SLC36A1: variants seen among roughly 807,000 people sequenced by gnomAD.
The protein encoded by SLC36A1 is solute carrier family 36 member 1.
In SLC36A1, 30 loss-of-function variants were observed where a neutral mutation model predicts 47.5. That is an observed-to-expected ratio of 0.63 (90% CI 0.47 to 0.86). SLC36A1 has a LOEUF of 0.86. Among genes scored for constraint, SLC36A1 ranks in the 40% least tolerant of loss-of-function variants. The probability of loss-of-function intolerance (pLI) is 0.00; values close to 1 mark genes in which losing one functional copy is unlikely to be tolerated. For synonymous variants in SLC36A1, 255 were observed against 249.7 expected (o/e 1.02, Z -0.20); for missense variants, 517 against 606.0 (o/e 0.85, Z 1.54).
chr5:151,510,323 T>C, the SLC36A1 span: 1 of 862,484 alleles, frequency 1.2e-6, no homozygotes, highest in Non-Finnish European at 1.8e-6. Flanking sequence ...GTGCTGGGCA[T>C]TGGTGCCCTG....
rs1200296163 is a variant in SLC36A1 at position 151,491,767 on chromosome 5, G to A, written c.*3513G>A. 1 of 152,646 alleles carries A rather than the reference G, an allele frequency of 6.6e-6. No individual in the cohort carries two copies. The highest frequency in any genetic ancestry group is 2.4e-5 in the African/African-American group (1 of 41,462). 9.5% of individuals were successfully genotyped at this position (152,646 alleles called of 1,614,324 possible). On this transcript the variant is annotated 3_prime_UTR_variant, in exon 11 of 11. Coordinates refer to ENST00000243389, the MANE Select transcript of SLC36A1 (RefSeq NM_078483.4). ...CTCGAAGAGAAGACACAGAGTCCAA[G>A]TGGCAGGACTTGAGGTTGGCTTCCA...
intron 1 of SLC36A1, 64 bp from the exon 2 acceptor site, chr5:151,458,724 A>AC: frequency 1.9e-6 from 3 of 1,560,316 alleles, no homozygotes; most frequent in Non-Finnish European, 2.6e-6. Flanking sequence ...CCCAGAGGCC[A>AC]CCCCAAATAT....
chr5:151,513,583 G>A, the SLC36A1 span, among the ~76,000 whole-genome samples: 1 of 148,872 alleles, frequency 6.7e-6, no homozygotes, highest in African/African-American at 2.5e-5. Flanking sequence ...ATAGACATCA[G>A]GGCCTACTTG....
At chr5:151,353,228 T>C in the SLC36A1 span, among the ~76,000 whole-genome samples, 1 of 152,194 alleles carries the variant, frequency 6.6e-6, no homozygotes, top group Non-Finnish European at 1.5e-5. Context: ...TCATAGTACT[T>C]AGTTAGAGGC....
chr5:151,399,084 A>ATTTTT, the SLC36A1 span, among the ~76,000 whole-genome samples: 6 of 60,068 alleles, frequency 1.0e-4, no homozygotes, highest in Non-Finnish European at 1.7e-4. Context: ...ATATATATAT[A>ATTTTT]TTTTTTTTTT....
At chr5:151,515,155 C>T in the SLC36A1 span, among the ~76,000 whole-genome samples, 1 of 152,160 alleles carries the variant, frequency 6.6e-6, no homozygotes, top group African/African-American at 2.4e-5. Flanking sequence ...GGCCTCTCAG[C>T]AGCAGATCAC....
chr5:151,476,655 G>T lies in SLC36A1; in HGVS notation c.888G>T (p.Met296Ile), dbSNP rs776266406. Residue 296 changes from methionine to isoleucine, a missense_variant, in exon 9 of 11, where the codon ATG becomes ATT. Coordinates refer to ENST00000243389, the MANE Select transcript of SLC36A1 (RefSeq NM_078483.4). Reference protein sequence around the residue: ...RKFPLILYLGMVIVTILYISL... With the variant: ...RKFPLILYLGIVIVTILYISL... ...TCCCACTCATCCTGTACCTGGGCAT[G>T]GTCATCGTCACCATCCTCTACATCA... 33 of 1,613,042 alleles carry T rather than the reference G, an allele frequency of 2.0e-5. No individual in the cohort carries two copies. In the South Asian group the frequency reaches 3.6e-4, roughly 18 times the overall value.
At chr5:151,506,982 G>A in the SLC36A1 span, among the ~76,000 whole-genome samples, 8 of 152,212 alleles carry the variant, frequency 5.3e-5, no homozygotes, top group African/African-American at 1.7e-4. Flanking sequence ...CAGAAACCTG[G>A]TATCTGCTCC....
chr5:151,515,278 T>C, the SLC36A1 span, among the ~76,000 whole-genome samples: 1 of 152,240 alleles, frequency 6.6e-6, no homozygotes, highest in African/African-American at 2.4e-5. Flanking sequence ...GTCTCCTTTG[T>C]TGAATCCCCT....
chr5:151,539,232 C>A, the SLC36A1 span, among the ~76,000 whole-genome samples: 1 of 152,154 alleles, frequency 6.6e-6, no homozygotes, highest in African/African-American at 2.4e-5. Context: ...ATACCAATAA[C>A]CAGACTCTCT....
chr5:151,492,648 T>G (rs1415826159), downstream of SLC36A1, among the ~76,000 whole-genome samples: 1 of 152,238 alleles, frequency 6.6e-6, no homozygotes, highest in Non-Finnish European at 1.5e-5. Flanking sequence ...AGCCCTCTCC[T>G]TGCATAGCAG....
chr5:151,459,858 T>C (rs1041391025), intron 2 of SLC36A1: 3 of 152,288 alleles, frequency 2.0e-5, no homozygotes, highest in Non-Finnish European at 4.4e-5. Context: ...GCCTGCACTG[T>C]CTGCTGGTAC....
At chr5:151,447,995 T>C (rs926540508) in intron 1 of SLC36A1, 182 bp downstream of exon 1, 10 of 152,184 alleles carry the variant, frequency 6.6e-5, no homozygotes, top group African/African-American at 2.4e-4. Context: ...GACTGACAGG[T>C]GGGGGAAACT....
chr5:151,397,056 A>T, the SLC36A1 span, among the ~76,000 whole-genome samples: 5 of 152,244 alleles, frequency 3.3e-5, no homozygotes, highest in Non-Finnish European at 7.3e-5. Context: ...GAGCAGCATC[A>T]GTCCACATGG....
the SLC36A1 span, among the ~76,000 whole-genome samples, chr5:151,536,573 C>T: frequency 1.3e-5 from 2 of 152,200 alleles, no homozygotes; most frequent in South Asian, 4.1e-4. Context: ...AAGTCCACTC[C>T]ACCAGACTCT....
upstream of SLC36A1, among the ~76,000 whole-genome samples, chr5:151,433,253 TATATATATATA>T (rs1336274117): frequency 1.7e-3 from 34 of 19,512 alleles, no homozygotes; most frequent in African/African-American, 7.6e-3. Flanking sequence ...TATATATATA[TATATATATATA>T]TATTTTTTTT....
the SLC36A1 span, chr5:151,543,989 T>A: frequency 6.2e-7 from 1 of 1,614,092 alleles, no homozygotes; most frequent in Non-Finnish European, 8.5e-7. Context: ...TGAGGTTGTC[T>A]GAACTCTGGG....
the SLC36A1 span, chr5:151,540,660 G>A: frequency 1.2e-6 from 2 of 1,614,080 alleles, no homozygotes; most frequent in African/African-American, 2.7e-5. Context: ...CTGTGACTCT[G>A]AGCAAGTACT....
chr5:151,487,946 T>C lies in SLC36A1; in HGVS notation c.1160-37T>C, dbSNP rs981238788. On this transcript the variant is annotated intron_variant, in intron 10 of 10. Transcript: ENST00000243389. ...TAGGGAGACAGACCTTTCCCAGCTC[T>C]GGGCATCTTAAACAGGCATGTCCTC... 4 of 1,610,358 alleles carry C rather than the reference T, an allele frequency of 2.5e-6. No individual in the cohort carries two copies. The Admixed American group carries it at 5.0e-5, about 20-fold the overall frequency.
Sources: gnomAD v4.1 joint callset for allele counts (sites outside exome capture counted in the v4.1 genomes callset) on GRCh38, gnomAD v4.1.1 for gene constraint, MANE v1.5 for transcripts, NCBI Gene and HGNC (gene_info 2026-07-23, HGNC 2026-07-21) for gene names.